The following STPG4 variants were observed in gnomAD, a reference collection of about 807,000 sequenced individuals.
STPG4 encodes the protein sperm-tail PG-rich repeat containing 4, also known as protein STPG4.
STPG4 carries 41 observed loss-of-function variants against 31.5 expected under a neutral mutation model. The observed-to-expected ratio is 1.30, with a 90% confidence interval of 1.01 to 1.69. The LOEUF (loss-of-function observed/expected upper bound fraction) is 1.69. STPG4 is among the 40% of genes most tolerant of loss of function. The pLI, the probability that STPG4 is intolerant of heterozygous loss-of-function variation, is 0.00. For synonymous variants in STPG4, 141 were observed against 103.0 expected (o/e 1.37, Z -2.24); for missense variants, 375 against 293.4 (o/e 1.28, Z -2.03).
At chr2:47,121,356 C>G (rs1190513971) in intron 5 of STPG4, among the ~76,000 whole-genome samples, 1 of 152,124 alleles carries the variant, frequency 6.6e-6, no homozygotes, top group Non-Finnish European at 1.5e-5. Context: ...AAGTGAACTT[C>G]TACACACTGA....
At chr2:47,105,226 C>A (rs1483969324) in intron 5 of STPG4, among the ~76,000 whole-genome samples, 14 of 151,968 alleles carry the variant, frequency 9.2e-5, no homozygotes, top group African/African-American at 3.2e-4. Flanking sequence ...GACAACCCCA[C>A]AACCGGTGGC....
intron 3 of STPG4, among the ~76,000 whole-genome samples, chr2:47,142,905 G>A (rs941005107): frequency 7.5e-5 from 11 of 146,162 alleles, no homozygotes; most frequent in African/African-American, 2.8e-4. Flanking sequence ...GTGCAGTGGC[G>A]CGATCTTGGC....
chr2:47,126,232 T>C (rs761156852), intron 5 of STPG4, among the ~76,000 whole-genome samples: 4 of 152,294 alleles, frequency 2.6e-5, no homozygotes, highest in Admixed American at 6.5e-5. Flanking sequence ...CGTTAAGTTT[T>C]AGGGTTCTTT....
chr2:47,097,025 T>C (rs1685685022), intron 5 of STPG4, among the ~76,000 whole-genome samples: 1 of 151,852 alleles, frequency 6.6e-6, no homozygotes, highest in Non-Finnish European at 1.5e-5. Flanking sequence ...AGTAACCCCT[T>C]GAAGATAGGG....
chr2:47,095,744 C>G lies in STPG4; in HGVS notation c.520-5370G>C, dbSNP rs777384010. On this transcript the variant is annotated intron_variant, in intron 5 of 6. Transcript: ENST00000445927. ...TGTTAGAACAATTTTTAACTGGGCT[C>G]ATGTCTACCCAGAATAAGGATTCAC... Among the ~76,000 whole-genome samples the G allele has an allele frequency of 1.7e-3, 253 of 152,356 alleles. 1 individual carries two copies. The highest frequency in any genetic ancestry group is 9.1e-4 in the Non-Finnish European group (62 of 68,030).
intron 5 of STPG4, chr2:47,120,921 T>C (rs1686260468): frequency 6.6e-6 from 1 of 152,188 alleles, no homozygotes; most frequent in Admixed American, 6.6e-5. Flanking sequence ...TACATACACA[T>C]ACACAAAGAG....
chr2:47,135,790 G>A (rs77904269), intron 3 of STPG4, among the ~76,000 whole-genome samples: 6,087 of 152,210 alleles, frequency 0.04, 164 homozygotes, highest in Non-Finnish European at 0.06. Context: ...AAATTCAGTT[G>A]ACTATATTTT....
chr2:47,151,712 A>G (rs183873444), intron 2 of STPG4, among the ~76,000 whole-genome samples, 197 bp from the exon 3 acceptor site: 8 of 152,204 alleles, frequency 5.3e-5, no homozygotes, highest in Admixed American at 5.2e-4. Context: ...TAATTGCTGA[A>G]TTAAAGCAAA....
intron 5 of STPG4, among the ~76,000 whole-genome samples, chr2:47,112,190 G>A (rs542475371): frequency 2.5e-4 from 38 of 152,012 alleles, no homozygotes; most frequent in Middle Eastern, 6.8e-3. Context: ...TTTTTGAGAC[G>A]GAGTCTTGCT....
chr2:47,088,145 C>A (rs971533232), intron 6 of STPG4, among the ~76,000 whole-genome samples: 2 of 151,528 alleles, frequency 1.3e-5, no homozygotes, highest in African/African-American at 4.9e-5. Flanking sequence ...AGTGGCAGGA[C>A]CTCAGCTCAC....
intron 5 of STPG4, among the ~76,000 whole-genome samples, chr2:47,106,888 C>A (rs1279359462): frequency 6.6e-6 from 1 of 151,898 alleles, no homozygotes; most frequent in Non-Finnish European, 1.5e-5. Context: ...GATGGTTTTA[C>A]AAATGGAACC....
chr2:47,125,932 C>A (rs1188131955), intron 5 of STPG4, among the ~76,000 whole-genome samples: 2 of 152,108 alleles, frequency 1.3e-5, no homozygotes, highest in African/African-American at 2.4e-5. Context: ...TTTCATTCAT[C>A]TTCATATGGA....
At chr2:47,151,156 T>C in intron 3 of STPG4, 102 bp downstream of exon 3, 2 of 1,393,954 alleles carry the variant, frequency 1.4e-6, no homozygotes, top group Non-Finnish European at 1.9e-6. Context: ...TTAAAGGTTT[T>C]CCATTTCTCC....
chr2:47,120,230 C>G (rs1686238863), intron 5 of STPG4, among the ~76,000 whole-genome samples: 1 of 152,176 alleles, frequency 6.6e-6, no homozygotes, highest in South Asian at 2.1e-4. Context: ...ACTAGGGAGG[C>G]TGAGGCAGGA....
At chr2:47,112,840 C>T (rs1221033760) in intron 5 of STPG4, among the ~76,000 whole-genome samples, 1 of 151,510 alleles carries the variant, frequency 6.6e-6, no homozygotes, top group Admixed American at 6.6e-5. Flanking sequence ...CTGTCTCTAC[C>T]AAAAAAATTA....
intron 5 of STPG4, among the ~76,000 whole-genome samples, chr2:47,096,671 G>C (rs1053044640): frequency 6.6e-6 from 1 of 152,130 alleles, no homozygotes; most frequent in Non-Finnish European, 1.5e-5. Flanking sequence ...TTAAAACCAA[G>C]CTTAAAAAGT....
intron 5 of STPG4, among the ~76,000 whole-genome samples, chr2:47,098,037 G>C (rs979871639): frequency 6.6e-6 from 1 of 151,814 alleles, no homozygotes; most frequent in African/African-American, 2.4e-5. Context: ...ACGTGTGTAT[G>C]AACATGAGAA....
chr2:47,115,070 T>C (rs537245510), intron 5 of STPG4, among the ~76,000 whole-genome samples: 3 of 152,292 alleles, frequency 2.0e-5, no homozygotes, highest in South Asian at 2.1e-4. Flanking sequence ...GCCTGGCCTA[T>C]TTCTTTTCTT....
At chr2:47,097,876 T>A (rs1685705394) in intron 5 of STPG4, among the ~76,000 whole-genome samples, 1 of 151,698 alleles carries the variant, frequency 6.6e-6, no homozygotes, top group Non-Finnish European at 1.5e-5. Context: ...CCAGCACTTT[T>A]GGAGGCCCAC....
Sources: allele counts gnomAD v4.1 joint callset (sites outside exome capture counted in the v4.1 genomes callset), GRCh38; gene constraint gnomAD v4.1.1; transcripts MANE v1.5; gene names NCBI Gene and HGNC (gene_info 2026-07-23, HGNC 2026-07-21).